CYP2B6: variants seen among roughly 807,000 people sequenced by gnomAD.
The protein encoded by CYP2B6 is cytochrome P450 family 2 subfamily B member 6, also known as cytochrome P450 2B6.
A neutral mutation model predicts 43.4 loss-of-function variants in CYP2B6; 35 were observed. The observed-to-expected ratio is 0.81, with a 90% CI of 0.62 to 1.07. The LOEUF (loss-of-function observed/expected upper bound fraction) is 1.07, where lower values mean the gene tolerates loss of function less well. Ranked by LOEUF, CYP2B6 falls within the 50% of genes least tolerant of loss-of-function variation. The pLI is 0.00. For synonymous variants in CYP2B6, 239 were observed against 239.2 expected, an observed-to-expected ratio of 1.00 and a Z score of 0.01; for missense variants, 624 against 632.8, an observed-to-expected ratio of 0.99 and a Z score of 0.15.
intron 8 of CYP2B6, among the ~76,000 whole-genome samples, chr19:41,016,271 C>A (rs1196217332): frequency 2.0e-5 from 3 of 151,858 alleles, no homozygotes; most frequent in Non-Finnish European, 4.4e-5. Context: ...GTGGCAGGTG[C>A]CTGTAATCCC....
At chr19:41,005,407 C>A (rs760631286) in intron 3 of CYP2B6, among the ~76,000 whole-genome samples, 1 of 151,858 alleles carries the variant, frequency 6.6e-6, no homozygotes. Context: ...TATAGGGAAA[C>A]GGGGACAAGA....
chr19:41,004,472 A>G (rs1969146778), intron 3 of CYP2B6, 26 bp downstream of exon 3: 7 of 1,612,020 alleles, frequency 4.3e-6, no homozygotes, highest in Non-Finnish European at 5.1e-6. Context: ...TGAATAGGAA[A>G]GAAAGACAAT....
intron 3 of CYP2B6, among the ~76,000 whole-genome samples, chr19:41,006,584 T>C (rs1969191113): frequency 6.6e-6 from 1 of 151,986 alleles, no homozygotes; most frequent in African/African-American, 2.4e-5. Context: ...GAGAACCGGC[T>C]GCATGGACTC....
Position 40,991,420 on chromosome 19 carries a change from C to A in CYP2B6, c.115C>A (p.Leu39Ile). 6.2e-7 allele frequency: 1 copy of A among 1,614,062 alleles called. No homozygotes were observed. The change falls in exon 1 of 9, where the codon CTT (leucine) becomes ATT (isoleucine). Residue 39 changes from leucine (L) to isoleucine (I), a missense_variant. Physicochemically the swap from Leu to Ile is conservative, Grantham distance 5. Transcript: ENST00000324071. ...RLPPGPRPLPLLGNLLQMDRR... is the reference protein window; with the variant it reads ...RLPPGPRPLPILGNLLQMDRR... Reference sequence around the variant, plus strand: ...CCCACCAGGGCCCCGCCCTCTGCCCCTTTTGGGAAACCTTCTGCAGATGGA... The same window carrying A: ...CCCACCAGGGCCCCGCCCTCTGCCCATTTTGGGAAACCTTCTGCAGATGGA...
At position 41,012,634 on chromosome 19, in the gene CYP2B6, G is replaced by A. The variant is rs748519261; in HGVS notation, c.1153-40G>A. The A allele has an allele frequency of 1.2e-5, 20 of 1,613,248 alleles. No homozygotes were observed. The African/African-American group carries it at 1.5e-4, about 12-fold the overall frequency. On this transcript the variant is annotated intron_variant, in intron 7 of 8. Transcript: ENST00000324071. ...TTTGTGGAGTGTGTGGAGGGTTGGA[G>A]GGAATGGCAATATCTTTTGATCTTG...
At position 41,018,310 on chromosome 19, in the gene CYP2B6, T is replaced by C. The variant is rs1225459291; in HGVS notation, c.*1483T>C. On this transcript the variant is annotated 3_prime_UTR_variant, in exon 9 of 9. Transcript: ENST00000324071. ...CCAGGTTCCCTGAGCTGTGGGATTCTGCACTGGTGCTTTGGATTCCCTGAT... is the reference window on the plus strand; with the variant it reads ...CCAGGTTCCCTGAGCTGTGGGATTCCGCACTGGTGCTTTGGATTCCCTGAT... 1 of 152,346 alleles carries C rather than the reference T, an allele frequency of 6.6e-6. No homozygotes were observed. Among genetic ancestry groups the C allele is most frequent in the African/African-American group, 2.4e-5 (1 of 41,468 alleles). The allele number at this position is 152,346 out of a possible 1,614,324, so 9.4% of individuals were successfully genotyped here.
intron 6 of CYP2B6, 73 bp from the exon 7 acceptor site, chr19:41,012,225 C>T: frequency 1.4e-6 from 2 of 1,458,152 alleles, no homozygotes; most frequent in Non-Finnish European, 1.9e-6. Context: ...GCTGGGATTA[C>T]AGGCATGAGC....
intron 1 of CYP2B6, among the ~76,000 whole-genome samples, chr19:41,002,500 C>A (rs1969108683): frequency 6.6e-6 from 1 of 152,040 alleles, no homozygotes; most frequent in African/African-American, 2.4e-5. Context: ...ATCCACCTAC[C>A]ATCTTGATCA....
intron 3 of CYP2B6, 109 bp downstream of exon 3, chr19:41,004,555 C>A: frequency 7.8e-7 from 1 of 1,276,334 alleles, no homozygotes; most frequent in Non-Finnish European, 1.1e-6. Flanking sequence ...CAGAGACAGA[C>A]GAAACTGGAG....
chr19:41,007,206 T>C, intron 4 of CYP2B6, 141 bp downstream of exon 4: 3 of 815,794 alleles, frequency 3.7e-6, no homozygotes, highest in Admixed American at 4.0e-5. Flanking sequence ...ATCAGGGACA[T>C]GGAGACCTGG....
intron 1 of CYP2B6, among the ~76,000 whole-genome samples, chr19:40,997,799 C>T (rs981221201): frequency 1.3e-5 from 2 of 151,914 alleles, no homozygotes; most frequent in African/African-American, 4.8e-5. Flanking sequence ...GGGTGGCTCA[C>T]GACACCACTG....
chr19:41,002,179 T>G (rs1194496564), intron 1 of CYP2B6, among the ~76,000 whole-genome samples: 5 of 152,042 alleles, frequency 3.3e-5, no homozygotes, highest in Non-Finnish European at 7.3e-5. Flanking sequence ...GGTGAGCACG[T>G]GGATATTAAT....
rs901225814 is a variant in CYP2B6 at position 41,017,156 on chromosome 19, C to T, written c.*329C>T. 3 of 179,870 alleles carry T rather than the reference C, an allele frequency of 1.7e-5. No homozygotes were observed. Among genetic ancestry groups the T allele is most frequent in the African/African-American group, 7.1e-5 (3 of 42,096 alleles). The allele number at this position is 179,870 out of a possible 1,614,324, so 11.1% of individuals were successfully genotyped here. ...CCCCGGGGATCAAGCAACTCTCCTG[C>T]CTCAGCCTCCCTAGTAGCTGGGATT... is the stretch of plus-strand genomic sequence containing the variant. On this transcript the variant is annotated 3_prime_UTR_variant, in exon 9 of 9. Transcript: ENST00000324071.
intron 1 of CYP2B6, among the ~76,000 whole-genome samples, chr19:40,992,932 C>G (rs907440514): frequency 6.6e-6 from 1 of 151,880 alleles, no homozygotes; most frequent in African/African-American, 2.4e-5. Flanking sequence ...GGAATGTGGA[C>G]TTGGGGGTAT....
intron 8 of CYP2B6, among the ~76,000 whole-genome samples, chr19:41,014,247 C>T (rs1202890440): frequency 6.6e-6 from 1 of 152,030 alleles, no homozygotes; most frequent in Non-Finnish European, 1.5e-5. Flanking sequence ...AAATTGGGAA[C>T]ATGTGTGGTG....
intron 6 of CYP2B6, among the ~76,000 whole-genome samples, chr19:41,011,007 A>G (rs1969275368): frequency 6.6e-6 from 1 of 151,810 alleles, no homozygotes; most frequent in Non-Finnish European, 1.5e-5. Flanking sequence ...TTCATTTATG[A>G]TTCATCTAAG....
chr19:41,011,178 C>T (rs1969278058), intron 6 of CYP2B6, among the ~76,000 whole-genome samples: 1 of 152,116 alleles, frequency 6.6e-6, no homozygotes, highest in South Asian at 2.1e-4. Flanking sequence ...CACTCTTATC[C>T]TTCCATGAGT....
chr19:41,015,987 C>T (rs569627620), intron 8 of CYP2B6, among the ~76,000 whole-genome samples: 13 of 133,478 alleles, frequency 9.7e-5, no homozygotes, highest in Non-Finnish European at 7.9e-5. Flanking sequence ...CTCACACTCA[C>T]ACATGTACAG....
intron 1 of CYP2B6, among the ~76,000 whole-genome samples, chr19:40,991,736 G>T (rs537311056): frequency 6.6e-6 from 1 of 152,246 alleles, no homozygotes; most frequent in African/African-American, 2.4e-5. Context: ...CCACACGGCA[G>T]TATGGTCAAG....
Sources: gnomAD v4.1 joint callset for allele counts (sites outside exome capture counted in the v4.1 genomes callset) on GRCh38, gnomAD v4.1.1 for gene constraint, MANE v1.5 for transcripts, NCBI Gene and HGNC (gene_info 2026-07-23, HGNC 2026-07-21) for gene names.